The following CHCHD6 variants were observed in gnomAD, a reference collection of about 807,000 sequenced individuals.
CHCHD6 encodes the protein coiled-coil-helix-coiled-coil-helix domain containing 6.
CHCHD6 carries 28 observed loss-of-function variants against 32.3 expected under a neutral mutation model. The observed-to-expected ratio is 0.87, with a 90% CI of 0.64 to 1.19. The LOEUF (loss-of-function observed/expected upper bound fraction) is 1.19. Among genes scored for constraint, CHCHD6 ranks in the 50% most tolerant of loss-of-function variants. The pLI, the probability that CHCHD6 is intolerant of heterozygous loss-of-function variation, is 0.00. For missense variants in CHCHD6, 333 were observed against 307.0 expected (o/e 1.08, Z -0.63); for synonymous variants, 122 against 117.5 (o/e 1.04, Z -0.25).
chr3:126,851,463 G>A (rs1941471364), intron 4 of CHCHD6, among the ~76,000 whole-genome samples: 1 of 152,198 alleles, frequency 6.6e-6, no homozygotes. Context: ...TGGGTAGTGA[G>A]GATTCAGTGT....
intron 4 of CHCHD6, among the ~76,000 whole-genome samples, chr3:126,792,843 GTCC>G (rs1938617813): frequency 6.6e-6 from 1 of 152,044 alleles, no homozygotes; most frequent in East Asian, 1.9e-4. Flanking sequence ...TTGTGTTGAA[GTCC>G]TCAACTATTT....
chr3:126,949,232 T>A (rs949739538), intron 6 of CHCHD6: 1 of 156,736 alleles, frequency 6.4e-6, no homozygotes, highest in African/African-American at 2.4e-5. Flanking sequence ...CCTGACCCTG[T>A]CCAACAGTCT....
At chr3:126,734,376 T>C (rs1935947582) in intron 4 of CHCHD6, among the ~76,000 whole-genome samples, 1 of 152,066 alleles carries the variant, frequency 6.6e-6, no homozygotes, top group South Asian at 2.1e-4. Flanking sequence ...CTACTTTAGG[T>C]GGGTAGCCTC....
At chr3:126,885,438 C>T (rs2077666357) in intron 5 of CHCHD6, among the ~76,000 whole-genome samples, 1 of 152,204 alleles carries the variant, frequency 6.6e-6, no homozygotes, top group Non-Finnish European at 1.5e-5. Context: ...TTCCTGGTAG[C>T]TGCACACTGG....
At chr3:126,794,539 A>G (rs1426600230) in intron 4 of CHCHD6, among the ~76,000 whole-genome samples, 1 of 151,724 alleles carries the variant, frequency 6.6e-6, no homozygotes, top group Non-Finnish European at 1.5e-5. Flanking sequence ...TTCATTTCCT[A>G]TTTTGCTGGA....
chr3:126,772,095 C>T (rs892595749), intron 4 of CHCHD6, among the ~76,000 whole-genome samples: 1 of 152,024 alleles, frequency 6.6e-6, no homozygotes, highest in African/African-American at 2.4e-5. Context: ...GAATGTTAGT[C>T]TCTTCATAGG....
chr3:126,910,451 T>C (rs2078073534), intron 5 of CHCHD6, among the ~76,000 whole-genome samples: 1 of 152,164 alleles, frequency 6.6e-6, no homozygotes, highest in Non-Finnish European at 1.5e-5. Flanking sequence ...TGGCATCTCC[T>C]GCCCCATGCA....
intron 1 of CHCHD6, among the ~76,000 whole-genome samples, chr3:126,725,397 T>G (rs1935484823): frequency 6.6e-6 from 1 of 152,204 alleles, no homozygotes; most frequent in Non-Finnish European, 1.5e-5. Context: ...GCTTAAAGTA[T>G]TCAGTAAAAC....
intron 4 of CHCHD6, among the ~76,000 whole-genome samples, chr3:126,829,050 C>A (rs1940525580): frequency 6.6e-6 from 1 of 152,104 alleles, no homozygotes; most frequent in Admixed American, 6.5e-5. Context: ...TTTCCTAAAC[C>A]TTCTTAAAGT....
intron 1 of CHCHD6, among the ~76,000 whole-genome samples, chr3:126,726,567 T>G (rs867449639): frequency 2.0e-5 from 3 of 152,084 alleles, no homozygotes; most frequent in Admixed American, 6.5e-5. Context: ...AAAAAATGTG[T>G]TATCTGCAAA....
At chr3:126,824,621 T>C (rs976899671) in intron 4 of CHCHD6, among the ~76,000 whole-genome samples, 15 of 148,500 alleles carry the variant, frequency 1.0e-4, no homozygotes, top group Non-Finnish European at 1.6e-4. Flanking sequence ...ACCTTCACTC[T>C]TGTTGCTCAG....
intron 5 of CHCHD6, among the ~76,000 whole-genome samples, chr3:126,861,557 G>GCACCAC (rs1326161762): frequency 6.9e-6 from 1 of 144,968 alleles, no homozygotes; most frequent in Admixed American, 6.9e-5. Context: ...ACCACCACCA[G>GCACCAC]CACCACCACC....
intron 4 of CHCHD6, among the ~76,000 whole-genome samples, chr3:126,805,600 C>CAATATCGTGAA (rs1340558570): frequency 6.6e-6 from 1 of 152,086 alleles, no homozygotes; most frequent in African/African-American, 2.4e-5. Context: ...TAGGAAGAAT[C>CAATATCGTGAA]AATATCGTGA....
At position 126,934,536 on chromosome 3, in the gene CHCHD6, CTTTTTT is replaced by C. The variant is rs386397861; in HGVS notation, c.566+19811_566+19816del. 9.4e-3 allele frequency among the ~76,000 whole-genome samples: 550 copies of C among 58,216 alleles called. 6 individuals are homozygous for C. Among genetic ancestry groups the C allele is most frequent in the Middle Eastern group, 0.053 (4 of 76 alleles). 38.2% of individuals were successfully genotyped at this position (58,216 alleles called of 152,430 possible). A position where few individuals can be genotyped will look rare whatever the true frequency, so the allele number is the denominator to read the frequency against. ...CTTGGAATGCACCCTCCCCTCTCTG[CTTTTTT>C]TTTTTTTTTTTTTTTTTTTTTTTTG... On this transcript the variant is annotated intron_variant, in intron 6 of 7. Coordinates refer to ENST00000290913, the MANE Select transcript of CHCHD6 (RefSeq NM_032343.3).
intron 4 of CHCHD6, among the ~76,000 whole-genome samples, chr3:126,783,707 T>C (rs981571929): frequency 6.6e-6 from 1 of 150,476 alleles, no homozygotes; most frequent in Non-Finnish European, 1.5e-5. Context: ...GGTTTTGAGA[T>C]GTTTTTCCAT....
chr3:126,863,473 A>T (rs1264645959), intron 5 of CHCHD6, among the ~76,000 whole-genome samples: 37 of 79,652 alleles, frequency 4.6e-4, no homozygotes, highest in South Asian at 8.6e-4. Context: ...CACCTCCTCC[A>T]CCACCATCAC....
At chr3:126,863,550 C>T in intron 5 of CHCHD6, among the ~76,000 whole-genome samples, 1 of 139,200 alleles carries the variant, frequency 7.2e-6, no homozygotes, top group Non-Finnish European at 1.5e-5. Flanking sequence ...CCTCCACCAT[C>T]ACCACCTCCT....
At chr3:126,957,751 T>A in intron 7 of CHCHD6, 200 bp downstream of exon 7, 1 of 671,372 alleles carries the variant, frequency 1.5e-6, no homozygotes. Flanking sequence ...CAGGAGCGCC[T>A]TGGACATCTG....
intron 4 of CHCHD6, among the ~76,000 whole-genome samples, chr3:126,746,585 C>T (rs1332456374): frequency 1.3e-5 from 2 of 152,180 alleles, no homozygotes; most frequent in Admixed American, 6.5e-5. Flanking sequence ...ACACGGGGCC[C>T]ATTCTCTAGC....
Sources: gnomAD v4.1 joint callset for allele counts (sites outside exome capture counted in the v4.1 genomes callset) on GRCh38, gnomAD v4.1.1 for gene constraint, MANE v1.5 for transcripts, NCBI Gene and HGNC (gene_info 2026-07-23, HGNC 2026-07-21) for gene names.